The following CCDC3 variants were observed in gnomAD, a reference collection of about 807,000 sequenced individuals.
CCDC3 encodes coiled-coil domain containing 3, also known as coiled-coil domain-containing protein 3.
Under a neutral mutation model 21.4 loss-of-function variants are expected in CCDC3, and 24 were observed. The observed-to-expected ratio is 1.12, with a 90% CI of 0.81 to 1.58. The LOEUF is 1.58. CCDC3 is among the 40% of genes most tolerant of loss of function. CCDC3 has a pLI of 0.00. For synonymous variants in CCDC3, 186 were observed against 166.0 expected (o/e 1.12, Z -0.93); for missense variants, 425 against 360.9 (o/e 1.18, Z -1.44).
intron 3 of CCDC3, among the ~76,000 whole-genome samples, chr10:13,087,187 C>A (rs1837121819): frequency 6.6e-6 from 1 of 152,124 alleles, no homozygotes; most frequent in Non-Finnish European, 1.5e-5. Flanking sequence ...GGTGGATCAC[C>A]TGAGGTCGGG....
chr10:13,046,822 A>G (rs1374738950), intron 5 of CCDC3, among the ~76,000 whole-genome samples: 1 of 152,174 alleles, frequency 6.6e-6, no homozygotes, highest in African/African-American at 2.4e-5. Flanking sequence ...CATCGAAAAT[A>G]TTTAATGATC....
At chr10:12,963,539 C>G (rs1835211703) in intron 2 of CCDC3, among the ~76,000 whole-genome samples, 1 of 149,904 alleles carries the variant, frequency 6.7e-6, no homozygotes, top group Non-Finnish European at 1.5e-5. Flanking sequence ...TTGCCTAATT[C>G]CTGCCTTCCT....
chr10:12,982,785 T>G (rs1835519794), intron 2 of CCDC3, among the ~76,000 whole-genome samples: 1 of 82,864 alleles, frequency 1.2e-5, no homozygotes, highest in Non-Finnish European at 2.1e-5. Flanking sequence ...AGAGCAAGAC[T>G]CTGTCTCAAA....
chr10:12,987,439 AT>A (rs1168518665), intron 2 of CCDC3, among the ~76,000 whole-genome samples: 2 of 152,160 alleles, frequency 1.3e-5, no homozygotes, highest in African/African-American at 4.8e-5. Context: ...CCTTATTAGT[AT>A]GTTACCTTTT....
intron 1 of CCDC3, 115 bp downstream of exon 1, chr10:13,001,082 T>C: frequency 1.5e-6 from 2 of 1,360,680 alleles, no homozygotes; most frequent in Non-Finnish European, 2.0e-6. Flanking sequence ...CCAGGGGCAT[T>C]CTCACTTGAC....
chr10:13,075,001 TTGGCGCCATCTGCTGGACA>T (rs1829912604), intron 3 of CCDC3, among the ~76,000 whole-genome samples: 2 of 152,160 alleles, frequency 1.3e-5, no homozygotes, highest in Non-Finnish European at 2.9e-5. Context: ...GGCCAGTCAC[TTGGCGCCATCTGCTGGACA>T]TGGACAAACA....
At chr10:12,987,535 G>C (rs1397145956) in intron 2 of CCDC3, among the ~76,000 whole-genome samples, 1 of 152,060 alleles carries the variant, frequency 6.6e-6, no homozygotes, top group Admixed American at 6.5e-5. Flanking sequence ...ACCTCAGAAT[G>C]GTCAAGTGAC....
intron 3 of CCDC3, among the ~76,000 whole-genome samples, chr10:13,095,716 A>G (rs1588424186): frequency 1.3e-5 from 2 of 152,296 alleles, no homozygotes; most frequent in Non-Finnish European, 2.9e-5. Flanking sequence ...TTTATTGGAC[A>G]TAATTATTAG....
rs534971808 is a variant in CCDC3, at chr10:12,922,824, T to C, written c.550-24145A>G. ...ATGCCCACTTAGATGTTGCATCTGATAGTATGGGATGTACAGAAAGAGATG... is the reference window on the plus strand; with the variant it reads ...ATGCCCACTTAGATGTTGCATCTGACAGTATGGGATGTACAGAAAGAGATG... On this transcript the variant is annotated intron_variant, in intron 2 of 2. Transcript: ENST00000378825. 3.9e-4 allele frequency among the ~76,000 whole-genome samples: 59 copies of C among 152,302 alleles called. No homozygotes were observed. The South Asian group carries it at 0.011, about 28-fold the overall frequency.
chr10:13,011,014 T>C (rs1394829193), intron 5 of CCDC3, among the ~76,000 whole-genome samples: 1 of 152,122 alleles, frequency 6.6e-6, no homozygotes, highest in Non-Finnish European at 1.5e-5. Flanking sequence ...ACCCCGTCTC[T>C]ACTAAAAATA....
chr10:13,050,934 A>G (rs982182082), intron 4 of CCDC3, among the ~76,000 whole-genome samples: 4 of 151,682 alleles, frequency 2.6e-5, no homozygotes, highest in Non-Finnish European at 5.9e-5. Context: ...CTACAGGTGC[A>G]CTCCACCACA....
chr10:13,020,317 A>G (rs1472640518), intron 5 of CCDC3, among the ~76,000 whole-genome samples: 5 of 152,212 alleles, frequency 3.3e-5, no homozygotes, highest in African/African-American at 4.8e-5. Flanking sequence ...TAAATTGTCA[A>G]CACCTAAGGT....
At chr10:12,900,647 C>T (rs371311174) in intron 2 of CCDC3, among the ~76,000 whole-genome samples, 69 of 146,286 alleles carry the variant, frequency 4.7e-4, no homozygotes, top group African/African-American at 1.4e-3. Context: ...GCCGAGATCG[C>T]GCCACTGCAC....
chr10:13,036,121 T>G (rs1836374599), intron 5 of CCDC3, among the ~76,000 whole-genome samples: 1 of 151,896 alleles, frequency 6.6e-6, no homozygotes, highest in Non-Finnish European at 1.5e-5. Context: ...TCCAGCCTGG[T>G]GACAGAGCAA....
intron 2 of CCDC3, among the ~76,000 whole-genome samples, chr10:12,954,845 G>A (rs1835059816): frequency 6.6e-6 from 1 of 152,146 alleles, no homozygotes; most frequent in Admixed American, 6.5e-5. Flanking sequence ...TATGAGCCCA[G>A]TTATAATCCA....
chr10:12,927,853 C>T (rs1168402821), intron 2 of CCDC3, among the ~76,000 whole-genome samples: 1 of 152,188 alleles, frequency 6.6e-6, no homozygotes, highest in Non-Finnish European at 1.5e-5. Flanking sequence ...ATTCAGTCTA[C>T]ATTTGAAAAG....
At chr10:12,904,739 C>A (rs1320471936) in intron 2 of CCDC3, among the ~76,000 whole-genome samples, 1 of 152,058 alleles carries the variant, frequency 6.6e-6, no homozygotes, top group Non-Finnish European at 1.5e-5. Context: ...AAAGTTTCAC[C>A]ATCAACATCT....
chr10:12,988,575 C>T (rs1229736022), intron 2 of CCDC3, among the ~76,000 whole-genome samples: 2 of 152,132 alleles, frequency 1.3e-5, no homozygotes, highest in Non-Finnish European at 2.9e-5. Flanking sequence ...AACTCCTGAC[C>T]TCGAGTGATC....
intron 4 of CCDC3, among the ~76,000 whole-genome samples, chr10:13,071,382 C>A (rs758552142): frequency 2.6e-5 from 4 of 152,146 alleles, no homozygotes; most frequent in Non-Finnish European, 4.4e-5. Flanking sequence ...TCTGAGGAAT[C>A]CAGAGACAGA....
Sources: allele counts gnomAD v4.1 joint callset (sites outside exome capture counted in the v4.1 genomes callset), GRCh38; gene constraint gnomAD v4.1.1; transcripts MANE v1.5; gene names NCBI Gene and HGNC (gene_info 2026-07-23, HGNC 2026-07-21).